FMNL2: variants seen among roughly 807,000 people sequenced by gnomAD.
FMNL2 encodes formin-like protein 2.
A neutral mutation model predicts 130.2 loss-of-function variants in FMNL2; 51 were observed. That is an observed-to-expected ratio of 0.39 (90% CI 0.31 to 0.49). FMNL2 has a LOEUF of 0.49. Ranked by LOEUF, FMNL2 falls within the 20% of genes least tolerant of loss-of-function variation. FMNL2 has a pLI of 0.85. For synonymous variants in FMNL2, 465 were observed against 467.1 expected (o/e 1.00, Z 0.06); for missense variants, 977 against 1,316.2 (o/e 0.74, Z 3.99).
chr2:152,469,565 C>T (rs1245650028), intron 1 of FMNL2, among the ~76,000 whole-genome samples: 2 of 152,202 alleles, frequency 1.3e-5, no homozygotes, highest in Non-Finnish European at 2.9e-5. Context: ...CTCAGGACTT[C>T]TGCTCCCCCT....
chr2:152,599,952 G>A (rs1697964984), intron 9 of FMNL2, among the ~76,000 whole-genome samples: 1 of 152,190 alleles, frequency 6.6e-6, no homozygotes, highest in Non-Finnish European at 1.5e-5. Flanking sequence ...TGTATGAAAT[G>A]TCCAATCACT....
At chr2:152,595,857 AC>A in intron 9 of FMNL2, among the ~76,000 whole-genome samples, 2 of 152,216 alleles carry the variant, frequency 1.3e-5, no homozygotes, top group South Asian at 4.1e-4. Context: ...CAGAGTGGGT[AC>A]ATCCCAGAGA....
At chr2:152,349,978 A>C (rs1370662873) in intron 1 of FMNL2, among the ~76,000 whole-genome samples, 1 of 152,160 alleles carries the variant, frequency 6.6e-6, no homozygotes, top group Non-Finnish European at 1.5e-5. Flanking sequence ...GATCGATTGA[A>C]CGTCTGCTCC....
In FMNL2 at chr2:152,628,312, A is replaced by T. The variant is rs773711396; in HGVS notation, c.2179A>T (p.Thr727Ser). Residue 727 changes from threonine to serine, a missense_variant, in exon 18 of 26, where the codon ACA becomes TCA. Physicochemically the swap from Thr to Ser is moderately conservative, Grantham distance 58 (BLOSUM62 1). Coordinates refer to ENST00000288670, the MANE Select transcript of FMNL2 (RefSeq NM_052905.4). ...ATCTGTCTTTAGATTTGACTTGAAG[A>T]CACTGCCTGTGGACTTTGTGGAATG... ...CKAIHVFDLKTLPVDFVECLM... is the reference protein window; with the variant it reads ...CKAIHVFDLKSLPVDFVECLM... 13 of 1,613,876 alleles carry T rather than the reference A, an allele frequency of 8.1e-6. No individual in the cohort carries two copies. The East Asian group carries it at 2.7e-4, about 33-fold the overall frequency.
intron 3 of FMNL2, among the ~76,000 whole-genome samples, chr2:152,543,332 ACT>A (rs758254234): frequency 6.6e-6 from 1 of 151,100 alleles, no homozygotes; most frequent in Admixed American, 6.6e-5. Context: ...TTCTCAACAG[ACT>A]CTCCCCTTTT....
intron 7 of FMNL2, 65 bp from the exon 8 acceptor site, chr2:152,578,823 A>G: frequency 7.1e-7 from 1 of 1,400,316 alleles, no homozygotes; most frequent in Non-Finnish European, 9.8e-7. Flanking sequence ...TTAAATCAAT[A>G]CTGACAGTTC....
intron 7 of FMNL2, 157 bp from the exon 8 acceptor site, chr2:152,578,731 G>A: frequency 1.9e-6 from 1 of 515,024 alleles, no homozygotes; most frequent in Non-Finnish European, 3.4e-6. Flanking sequence ...AGAGAAATAT[G>A]CTCTGACAGT....
intron 1 of FMNL2, among the ~76,000 whole-genome samples, chr2:152,379,174 G>A (rs889906227): frequency 2.0e-5 from 3 of 152,098 alleles, no homozygotes; most frequent in East Asian, 1.9e-4. Flanking sequence ...TTAAAGGTGC[G>A]TGCAGTGTGT....
intron 1 of FMNL2, among the ~76,000 whole-genome samples, chr2:152,354,516 A>G (rs1682680874): frequency 6.6e-6 from 1 of 152,168 alleles, no homozygotes; most frequent in Non-Finnish European, 1.5e-5. Context: ...TTTTTTCCAG[A>G]AGGTTCTATA....
intron 1 of FMNL2, among the ~76,000 whole-genome samples, chr2:152,509,403 T>G (rs1011442483): frequency 1.3e-5 from 2 of 152,192 alleles, no homozygotes; most frequent in Non-Finnish European, 2.9e-5. Context: ...GGGATTTTTT[T>G]TTTTTGCTCA....
intron 1 of FMNL2, among the ~76,000 whole-genome samples, chr2:152,349,990 A>G (rs1682382723): frequency 6.6e-6 from 1 of 152,132 alleles, no homozygotes; most frequent in African/African-American, 2.4e-5. Flanking sequence ...GTCTGCTCCC[A>G]AGGAATTTAC....
At chr2:152,358,752 A>C (rs140604136) in intron 1 of FMNL2, among the ~76,000 whole-genome samples, 2 of 152,212 alleles carry the variant, frequency 1.3e-5, no homozygotes, top group African/African-American at 4.8e-5. Flanking sequence ...ATGGGAGTCA[A>C]CTATCTCTTG....
chr2:152,628,756 AG>A (rs757502134), intron 18 of FMNL2, among the ~76,000 whole-genome samples: 64 of 152,246 alleles, frequency 4.2e-4, no homozygotes, highest in Admixed American at 1.1e-3. Flanking sequence ...TTCTTCCGAA[AG>A]AATGCCATTT....
intron 9 of FMNL2, among the ~76,000 whole-genome samples, chr2:152,594,236 A>G (rs1300512343): frequency 1.3e-5 from 2 of 152,238 alleles, no homozygotes; most frequent in African/African-American, 4.8e-5. Context: ...CTATGTATGT[A>G]ACATGTATTG....
At chr2:152,615,552 C>A (rs1193956706) in intron 12 of FMNL2, among the ~76,000 whole-genome samples, 1 of 152,188 alleles carries the variant, frequency 6.6e-6, no homozygotes, top group Non-Finnish European at 1.5e-5. Flanking sequence ...GTATCGTTGT[C>A]AGCTCTATCA....
At chr2:152,616,564 T>G (rs534306155) in intron 12 of FMNL2, among the ~76,000 whole-genome samples, 1 of 152,212 alleles carries the variant, frequency 6.6e-6, no homozygotes, top group African/African-American at 2.4e-5. Flanking sequence ...ACTCCTGACC[T>G]CAGGTGATCC....
intron 15 of FMNL2, among the ~76,000 whole-genome samples, chr2:152,623,612 G>A (rs538947342): frequency 6.6e-6 from 1 of 152,244 alleles, no homozygotes; most frequent in African/African-American, 2.4e-5. Context: ...CCAGCTACAA[G>A]CTTAGTCGTG....
chr2:152,402,719 A>C (rs1241032137), intron 1 of FMNL2, among the ~76,000 whole-genome samples: 4 of 152,320 alleles, frequency 2.6e-5, no homozygotes, highest in Non-Finnish European at 5.9e-5. Flanking sequence ...TGTATGGGAA[A>C]AATGAGGCTA....
chr2:152,362,242 AT>A (rs576654423), intron 1 of FMNL2, among the ~76,000 whole-genome samples: 88 of 152,312 alleles, frequency 5.8e-4, no homozygotes, highest in African/African-American at 2.1e-3. Context: ...TGTTCTGAAC[AT>A]ACTTGTAACT....
Sources: allele counts gnomAD v4.1 joint callset (sites outside exome capture counted in the v4.1 genomes callset), GRCh38; gene constraint gnomAD v4.1.1; transcripts MANE v1.5; gene names NCBI Gene and HGNC (gene_info 2026-07-23, HGNC 2026-07-21).